The following SPMIP11 variants were observed in gnomAD, a reference collection of about 807,000 sequenced individuals.
SPMIP11 encodes sperm microtubule inner protein 11, also known as long intergenic non-protein coding RNA 935.
the SPMIP11 span, among the ~76,000 whole-genome samples, chr12:48,743,119 T>C: frequency 2.0e-5 from 3 of 150,222 alleles, no homozygotes; most frequent in Non-Finnish European, 4.4e-5. Context: ...AAAATAAGGC[T>C]GGGCGTGGTG....
the SPMIP11 span, among the ~76,000 whole-genome samples, chr12:48,728,534 C>T: frequency 5.7e-4 from 87 of 152,088 alleles, no homozygotes; most frequent in African/African-American, 1.8e-3. Flanking sequence ...CGGTGAAACC[C>T]CGTCTCTACT....
At chr12:48,741,523 A>G in the SPMIP11 span, among the ~76,000 whole-genome samples, 1 of 152,108 alleles carries the variant, frequency 6.6e-6, no homozygotes, top group East Asian at 1.9e-4. Flanking sequence ...ATTTGGTCCC[A>G]TTACTGGTAA....
chr12:48,727,612 C>A, the SPMIP11 span: 1 of 692,384 alleles, frequency 1.4e-6, no homozygotes, highest in Admixed American at 2.0e-5. Flanking sequence ...TACCTAGATG[C>A]TTCATAGCCA....
the SPMIP11 span, among the ~76,000 whole-genome samples, chr12:48,758,220 C>T: frequency 4.6e-5 from 7 of 152,130 alleles, no homozygotes; most frequent in Middle Eastern, 3.4e-3. Flanking sequence ...TTGGGAAGCA[C>T]GTAAAAGCTG....
At chr12:48,743,933 C>CAAAAAAAAAAAAAAAAA in the SPMIP11 span, among the ~76,000 whole-genome samples, 20 of 34,890 alleles carry the variant, frequency 5.7e-4, 2 homozygotes, top group African/African-American at 2.2e-3. Flanking sequence ...GACTTCGTCT[C>CAAAAAAAAAAAAAAAAA]AAAAAAAAAA....
chr12:48,745,462 C>T, the SPMIP11 span, among the ~76,000 whole-genome samples: 31 of 152,134 alleles, frequency 2.0e-4, no homozygotes, highest in South Asian at 3.1e-3. Context: ...AAAAAATTAG[C>T]TGGGCTTGGT....
At chr12:48,761,365 C>T in the SPMIP11 span, among the ~76,000 whole-genome samples, 847 of 151,450 alleles carry the variant, frequency 5.6e-3, 4 homozygotes, top group African/African-American at 0.02. Flanking sequence ...GCAGGAGAAT[C>T]GCTTGAACCC....
chr12:48,739,366 A>T, the SPMIP11 span, among the ~76,000 whole-genome samples: 2,555 of 152,288 alleles, frequency 0.017, 31 homozygotes, highest in Non-Finnish European at 0.027. Flanking sequence ...ATCTACTAGC[A>T]TGCTGCAGCT....
chr12:48,753,256 T>C, the SPMIP11 span, among the ~76,000 whole-genome samples: 2 of 152,104 alleles, frequency 1.3e-5, no homozygotes, highest in African/African-American at 2.4e-5. Context: ...TGACCTCTCC[T>C]TGCCAGACTC....
the SPMIP11 span, among the ~76,000 whole-genome samples, chr12:48,754,367 G>A: frequency 1.5e-4 from 23 of 152,122 alleles, no homozygotes; most frequent in Non-Finnish European, 2.4e-4. Context: ...GCCCAGGCTG[G>A]TCTAAAACTC....
the SPMIP11 span, among the ~76,000 whole-genome samples, chr12:48,758,426 C>A: frequency 6.6e-6 from 1 of 152,162 alleles, no homozygotes; most frequent in African/African-American, 2.4e-5. Flanking sequence ...CCGTCACTAG[C>A]GGATAACTTT....
chr12:48,735,888 T>TAAG, the SPMIP11 span, among the ~76,000 whole-genome samples: 3 of 151,684 alleles, frequency 2.0e-5, no homozygotes, highest in Middle Eastern at 3.2e-3. Flanking sequence ...CCTCTCAAAA[T>TAAG]AATAATAATA....
At chr12:48,765,658 A>C in the SPMIP11 span, 1 of 702,996 alleles carries the variant, frequency 1.4e-6, no homozygotes, top group Non-Finnish European at 2.6e-6. Flanking sequence ...TGTATTAAGA[A>C]GATATGGCTG....
At chr12:48,734,790 T>C in the SPMIP11 span, among the ~76,000 whole-genome samples, 1 of 151,594 alleles carries the variant, frequency 6.6e-6, no homozygotes, top group Admixed American at 6.6e-5. Context: ...TCACTTGAGG[T>C]CAGCAGATCG....
At chr12:48,732,532 G>A in the SPMIP11 span, among the ~76,000 whole-genome samples, 1 of 152,066 alleles carries the variant, frequency 6.6e-6, no homozygotes, top group African/African-American at 2.4e-5. Context: ...CACTTTGGGA[G>A]GCCGAGGCGG....
the SPMIP11 span, among the ~76,000 whole-genome samples, chr12:48,731,390 C>A: frequency 6.6e-6 from 1 of 151,970 alleles, no homozygotes; most frequent in Non-Finnish European, 1.5e-5. Flanking sequence ...GCTGGGGAGG[C>A]TGAGGCAGGA....
the SPMIP11 span, among the ~76,000 whole-genome samples, chr12:48,736,366 T>C: frequency 6.8e-6 from 1 of 147,148 alleles, no homozygotes; most frequent in Non-Finnish European, 1.5e-5. Flanking sequence ...GAGCTGAGAT[T>C]GCCCACCACT....
chr12:48,749,695 C>CTTT, the SPMIP11 span, among the ~76,000 whole-genome samples: 1 of 116,644 alleles, frequency 8.6e-6, no homozygotes, highest in Non-Finnish European at 1.8e-5. Flanking sequence ...TCTTCTTCTT[C>CTTT]TTTTTTTTTT....
chr12:48,743,405 C>T, the SPMIP11 span, among the ~76,000 whole-genome samples: 4 of 152,126 alleles, frequency 2.6e-5, no homozygotes, highest in Admixed American at 2.0e-4. Flanking sequence ...TAAAAACAAA[C>T]AATCAAATAT....
Sources: gnomAD v4.1 joint callset for allele counts (sites outside exome capture counted in the v4.1 genomes callset) on GRCh38, gnomAD v4.1.1 for gene constraint, MANE v1.5 for transcripts, NCBI Gene and HGNC (gene_info 2026-07-23, HGNC 2026-07-21) for gene names.